CCDC50: variants seen among roughly 807,000 people sequenced by gnomAD.
The protein encoded by CCDC50 is coiled-coil domain-containing protein 50.
In CCDC50, 54 loss-of-function variants were observed where a neutral mutation model predicts 70.2. That is an observed-to-expected ratio of 0.77 (90% CI 0.62 to 0.96). The LOEUF is 0.96. Among genes scored for constraint, CCDC50 ranks in the 50% least tolerant of loss-of-function variants. The pLI, the probability that CCDC50 is intolerant of heterozygous loss-of-function variation, is 0.00. For missense variants in CCDC50, 558 were observed against 578.7 expected, an observed-to-expected ratio of 0.96 and a Z score of 0.37; for synonymous variants, 216 against 198.8, an observed-to-expected ratio of 1.09 and a Z score of -0.73.
chr3:191,333,481 A>C (rs553380903), intron 1 of CCDC50, among the ~76,000 whole-genome samples: 6 of 152,224 alleles, frequency 3.9e-5, no homozygotes, highest in Non-Finnish European at 7.4e-5. Flanking sequence ...TGAGATGTAC[A>C]TATATCTGGC....
chr3:191,366,941 T>G (rs889332479), intron 4 of CCDC50, among the ~76,000 whole-genome samples: 1 of 152,090 alleles, frequency 6.6e-6, no homozygotes, highest in Non-Finnish European at 1.5e-5. Context: ...TCAGCTTGTT[T>G]CAGGGGGATT....
At chr3:191,339,535 T>C (rs753576517) in intron 1 of CCDC50, among the ~76,000 whole-genome samples, 1 of 152,152 alleles carries the variant, frequency 6.6e-6, no homozygotes, top group African/African-American at 2.4e-5. Flanking sequence ...CCAAGCAAAC[T>C]GTAGGTTGTA....
At chr3:191,337,795 C>T (rs904093253) in intron 1 of CCDC50, among the ~76,000 whole-genome samples, 1 of 151,740 alleles carries the variant, frequency 6.6e-6, no homozygotes, top group Admixed American at 6.6e-5. Context: ...CATGAGTATC[C>T]AACAGATTTA....
intron 1 of CCDC50, among the ~76,000 whole-genome samples, chr3:191,342,942 A>G (rs1047033136): frequency 6.6e-6 from 1 of 152,198 alleles, no homozygotes; most frequent in African/African-American, 2.4e-5. Context: ...ATAATTGATA[A>G]GTACCTTTAA....
At chr3:191,390,411 C>CTTGGATCTCGTGTAA (rs56758535) in intron 11 of CCDC50, among the ~76,000 whole-genome samples, 6 of 136,848 alleles carry the variant, frequency 4.4e-5, no homozygotes, top group African/African-American at 1.1e-4. Context: ...GAAGAAGGTT[C>CTTGGATCTCGTGTAA]GAATAAAGAA....
intron 10 of CCDC50, among the ~76,000 whole-genome samples, chr3:191,385,031 T>C (rs1380194022): frequency 1.3e-5 from 2 of 152,200 alleles, no homozygotes; most frequent in African/African-American, 4.8e-5. Flanking sequence ...TAGTCTATAG[T>C]GTATATGTAC....
intron 10 of CCDC50, among the ~76,000 whole-genome samples, chr3:191,385,645 TTACA>T (rs1204449526): frequency 1.3e-5 from 2 of 151,508 alleles, no homozygotes; most frequent in East Asian, 3.9e-4. Context: ...AAATCTTTAG[TTACA>T]TTAAGTCCTA....
intron 1 of CCDC50, chr3:191,330,296 A>AACAC (rs3048670): frequency 0.038 from 5,251 of 137,074 alleles, 160 homozygotes; most frequent in East Asian, 0.17. Context: ...TTACAAACAA[A>AACAC]ACACACACAC....
intron 4 of CCDC50, among the ~76,000 whole-genome samples, chr3:191,368,110 C>T (rs1712763405): frequency 6.6e-6 from 1 of 151,772 alleles, no homozygotes; most frequent in Non-Finnish European, 1.5e-5. Context: ...AATTGAAGTT[C>T]CCCCCAAATT....
In CCDC50 at chr3:191,391,724, T is replaced by A. The variant is rs1306735126; in HGVS notation, c.1430-17T>A. The A allele has an allele frequency of 6.2e-7, 1 of 1,612,474 alleles. No individual in the cohort carries two copies. The highest frequency in any genetic ancestry group is 1.1e-5 in the South Asian group (1 of 90,980). ...GTTTTTCCTTAATTGTGTTTCCTTT[T>A]TTCTTCCCCTCCCCAGGTTTTCATT... On this transcript the variant is annotated splice_polypyrimidine_tract_variant and intron_variant, in intron 11 of 11. Coordinates refer to ENST00000392455, the MANE Select transcript of CCDC50 (RefSeq NM_178335.3).
At chr3:191,346,235 T>G (rs1711919833) in intron 1 of CCDC50, among the ~76,000 whole-genome samples, 1 of 152,220 alleles carries the variant, frequency 6.6e-6, no homozygotes, top group Non-Finnish European at 1.5e-5. Context: ...GATGCTTATA[T>G]TAGAATAAAA....
intron 4 of CCDC50, among the ~76,000 whole-genome samples, chr3:191,363,167 A>G (rs1005768494): frequency 2.6e-5 from 4 of 152,278 alleles, no homozygotes; most frequent in Admixed American, 6.5e-5. Context: ...TAGTAATCAT[A>G]GTAAGTAATC....
intron 1 of CCDC50, among the ~76,000 whole-genome samples, chr3:191,352,597 C>T (rs1482106161): frequency 7.0e-6 from 1 of 142,154 alleles, no homozygotes; most frequent in African/African-American, 2.5e-5. Context: ...TGAATTCCAT[C>T]GTACATTTAA....
chr3:191,363,495 C>T (rs926110880), intron 4 of CCDC50, among the ~76,000 whole-genome samples: 1 of 152,208 alleles, frequency 6.6e-6, no homozygotes, highest in Non-Finnish European at 1.5e-5. Context: ...TGTGCATACC[C>T]TAAAGGGCTG....
At position 191,375,231 on chromosome 3, in the gene CCDC50, C is replaced by T; in HGVS notation, c.618C>T (p.Ser206=). 1.9e-6 allele frequency: 3 copies of T among 1,613,746 alleles called. No individual in the cohort carries two copies. Among genetic ancestry groups the T allele is most frequent in the South Asian group, 1.1e-5 (1 of 91,062 alleles). The change falls in exon 6 of 12, where the codon TCC becomes TCT. Residue 206 remains serine (S), a synonymous_variant. Coordinates refer to ENST00000392455, the MANE Select transcript of CCDC50 (RefSeq NM_178335.3). Reference sequence around the variant, plus strand: ...GTTCATCGAAGAGATCCCTGTCATCCTCTAGCTCGGGCAAAGGGAGGGACA... The same window carrying T: ...GTTCATCGAAGAGATCCCTGTCATCTTCTAGCTCGGGCAAAGGGAGGGACA... The part of the protein sequence containing the change: ...QHCSSKRSLS[S]SSSGKGRDNP...
At chr3:191,362,181 G>C (rs1447424551) in intron 4 of CCDC50, among the ~76,000 whole-genome samples, 1 of 152,104 alleles carries the variant, frequency 6.6e-6, no homozygotes, top group African/African-American at 2.4e-5. Flanking sequence ...AGGGTGGAGT[G>C]CAGTGGTGTG....
chr3:191,355,124 A>G (rs1010849963), intron 1 of CCDC50, among the ~76,000 whole-genome samples: 4 of 152,148 alleles, frequency 2.6e-5, no homozygotes, highest in African/African-American at 9.6e-5. Flanking sequence ...TTTTGACCTA[A>G]TAATAGATTG....
At chr3:191,380,361 C>T (rs558606920) in intron 7 of CCDC50, 87 bp downstream of exon 7, 1 of 845,948 alleles carries the variant, frequency 1.2e-6, no homozygotes, top group Admixed American at 2.0e-5. Context: ...TATTAATAGT[C>T]CTCTATCAAT....
intron 1 of CCDC50, among the ~76,000 whole-genome samples, chr3:191,352,151 G>C (rs1712125950): frequency 7.1e-6 from 1 of 141,798 alleles, no homozygotes; most frequent in Non-Finnish European, 1.6e-5. Context: ...TTAGTACAGT[G>C]TTTATTAACT....
Sources: gnomAD v4.1 joint callset for allele counts (sites outside exome capture counted in the v4.1 genomes callset) on GRCh38, gnomAD v4.1.1 for gene constraint, MANE v1.5 for transcripts, NCBI Gene and HGNC (gene_info 2026-07-23, HGNC 2026-07-21) for gene names.